LINGO2: variants seen among roughly 807,000 people sequenced by gnomAD.
The protein encoded by LINGO2 is leucine-rich repeat and immunoglobulin-like domain-containing nogo receptor-interacting protein 2.
A neutral mutation model predicts 30.6 loss-of-function variants in LINGO2; 14 were observed. The ratio of observed to expected loss-of-function variants is 0.46; its 90% CI spans 0.30 to 0.72. The LOEUF (loss-of-function observed/expected upper bound fraction) is 0.72, where lower values mean the gene tolerates loss of function less well. Ranked by LOEUF, LINGO2 falls within the 30% of genes least tolerant of loss-of-function variation. The pLI is 0.07. For missense variants in LINGO2, 729 were observed against 751.7 expected (o/e 0.97, Z 0.35); for synonymous variants, 317 against 288.5 (o/e 1.10, Z -1.00).
intron 5 of LINGO2, among the ~76,000 whole-genome samples, chr9:27,981,538 A>G (rs1820858677): frequency 1.6e-5 from 2 of 122,246 alleles, no homozygotes; most frequent in African/African-American, 5.9e-5. Flanking sequence ...GGATGGCAAA[A>G]AAAAAAAAAA....
chr9:28,693,864 A>T, the LINGO2 span, among the ~76,000 whole-genome samples: 1 of 151,972 alleles, frequency 6.6e-6, no homozygotes, highest in African/African-American at 2.4e-5. Flanking sequence ...TTGCTTTCCC[A>T]TGTTGTTGGT....
chr9:29,114,180 A>AT, the LINGO2 span, among the ~76,000 whole-genome samples: 1,462 of 149,412 alleles, frequency 9.8e-3, 13 homozygotes, highest in African/African-American at 0.022. Flanking sequence ...TAATATATAT[A>AT]TTTTTTTTAA....
intron 2 of LINGO2, among the ~76,000 whole-genome samples, chr9:28,429,541 T>G (rs1250936583): frequency 6.6e-6 from 1 of 152,126 alleles, no homozygotes; most frequent in Non-Finnish European, 1.5e-5. Context: ...TAACTGATGA[T>G]ATTATATGAG....
chr9:28,820,034 A>G, the LINGO2 span, among the ~76,000 whole-genome samples: 1 of 152,208 alleles, frequency 6.6e-6, no homozygotes, highest in Non-Finnish European at 1.5e-5. Context: ...TAGATTATTC[A>G]TCTACAGGGA....
At chr9:28,821,049 C>G in the LINGO2 span, among the ~76,000 whole-genome samples, 1 of 152,344 alleles carries the variant, frequency 6.6e-6, no homozygotes, top group East Asian at 1.9e-4. Flanking sequence ...ACATGCCCAG[C>G]ATCTCTAAGG....
the LINGO2 span, among the ~76,000 whole-genome samples, chr9:29,150,282 C>G: frequency 6.6e-6 from 1 of 152,158 alleles, no homozygotes. Flanking sequence ...TGAATATATT[C>G]CATTTATACC....
chr9:28,688,458 C>G, the LINGO2 span, among the ~76,000 whole-genome samples: 1 of 152,098 alleles, frequency 6.6e-6, no homozygotes, highest in South Asian at 2.1e-4. Flanking sequence ...CAGGCTTTTT[C>G]TAAACCTAAA....
chr9:28,844,637 C>T, the LINGO2 span, among the ~76,000 whole-genome samples: 1 of 151,708 alleles, frequency 6.6e-6, no homozygotes, highest in Non-Finnish European at 1.5e-5. Flanking sequence ...AAACTTACAT[C>T]GCAGGGAAGT....
At chr9:28,366,433 C>G (rs1016245427) in intron 3 of LINGO2, among the ~76,000 whole-genome samples, 1 of 152,138 alleles carries the variant, frequency 6.6e-6, no homozygotes, top group Middle Eastern at 3.2e-3. Flanking sequence ...TTTTCTTGAA[C>G]CTTTCAGCTC....
chr9:28,973,028 C>A, the LINGO2 span, among the ~76,000 whole-genome samples: 1 of 151,998 alleles, frequency 6.6e-6, no homozygotes, highest in African/African-American at 2.4e-5. Context: ...TAAAGCATGC[C>A]TATAAGATGT....
the LINGO2 span, among the ~76,000 whole-genome samples, chr9:28,769,998 C>T: frequency 6.6e-4 from 100 of 152,190 alleles, no homozygotes; most frequent in Admixed American, 1.4e-3. Flanking sequence ...TTCAAACACA[C>T]GGTGGCATAC....
chr9:28,133,645 C>T (rs1827436519), intron 4 of LINGO2, among the ~76,000 whole-genome samples: 1 of 152,156 alleles, frequency 6.6e-6, no homozygotes, highest in Admixed American at 6.5e-5. Context: ...CACTGATGGG[C>T]AGCTTGGAGG....
chr9:28,199,997 G>T (rs1213865502), intron 4 of LINGO2, among the ~76,000 whole-genome samples: 1 of 123,080 alleles, frequency 8.1e-6, no homozygotes. Context: ...CTTCATTTAG[G>T]AAAAAAAAAA....
intron 4 of LINGO2, among the ~76,000 whole-genome samples, chr9:28,223,804 GGCCAT>G (rs1190854708): frequency 6.6e-6 from 1 of 151,990 alleles, no homozygotes; most frequent in Non-Finnish European, 1.5e-5. Flanking sequence ...AGACAAATAT[GGCCAT>G]GCTTTTTAAA....
intron 2 of LINGO2, among the ~76,000 whole-genome samples, chr9:28,433,947 C>CTATATATATATATATATATATATA (rs1417650474): frequency 6.6e-5 from 4 of 61,022 alleles, no homozygotes; most frequent in African/African-American, 2.0e-4. Context: ...CTCTCTCTCT[C>CTATATATATATATATATATATATA]TCTATATATA....
chr9:28,796,855 AT>A, the LINGO2 span, among the ~76,000 whole-genome samples: 1 of 151,440 alleles, frequency 6.6e-6, no homozygotes, highest in Non-Finnish European at 1.5e-5. Context: ...TGCTTGAAAC[AT>A]TTTTCTTTTC....
chr9:28,119,739 G>A (rs545796807), intron 4 of LINGO2, among the ~76,000 whole-genome samples: 2 of 152,096 alleles, frequency 1.3e-5, no homozygotes, highest in Non-Finnish European at 2.9e-5. Context: ...CAGAGGGCTT[G>A]GTTAATTAAA....
intron 3 of LINGO2, among the ~76,000 whole-genome samples, chr9:28,346,259 G>A (rs1819563115): frequency 6.6e-6 from 1 of 152,064 alleles, no homozygotes; most frequent in Non-Finnish European, 1.5e-5. Context: ...GTATCCATGT[G>A]TTCTCATCAT....
intron 4 of LINGO2, among the ~76,000 whole-genome samples, chr9:28,176,371 T>C (rs892523104): frequency 6.6e-6 from 1 of 152,220 alleles, no homozygotes; most frequent in African/African-American, 2.4e-5. Context: ...CCCTTATTTC[T>C]ATAGCACCAT....
Sources: allele counts gnomAD v4.1 joint callset (sites outside exome capture counted in the v4.1 genomes callset), GRCh38; gene constraint gnomAD v4.1.1; transcripts MANE v1.5; gene names NCBI Gene and HGNC (gene_info 2026-07-23, HGNC 2026-07-21).